PREP: variants seen among roughly 807,000 people sequenced by gnomAD.
PREP encodes the protein prolyl endopeptidase.
A neutral mutation model predicts 87.6 loss-of-function variants in PREP; 29 were observed. That is an observed-to-expected ratio of 0.33 (90% CI 0.25 to 0.45). The LOEUF (loss-of-function observed/expected upper bound fraction) is 0.45, where lower values mean the gene tolerates loss of function less well. Ranked by LOEUF, PREP falls within the 20% of genes least tolerant of loss-of-function variation. The pLI, the probability that PREP is intolerant of heterozygous loss-of-function variation, is 1.00. For missense variants in PREP, 695 were observed against 886.5 expected (o/e 0.78, Z 2.74); for synonymous variants, 337 against 328.6 (o/e 1.03, Z -0.28).
At chr6:105,375,868 C>A (rs1252133557) in intron 4 of PREP, among the ~76,000 whole-genome samples, 1 of 152,188 alleles carries the variant, frequency 6.6e-6, no homozygotes, top group Non-Finnish European at 1.5e-5. Context: ...TCCAGAAGCC[C>A]TAGAAGCTAA....
At chr6:105,387,316 T>C (rs574067941) in intron 2 of PREP, among the ~76,000 whole-genome samples, 1 of 152,316 alleles carries the variant, frequency 6.6e-6, no homozygotes, top group African/African-American at 2.4e-5. Flanking sequence ...ATACCGTATC[T>C]GATGCCAGCA....
At chr6:105,346,314 A>AATAAG (rs1771796349) in intron 7 of PREP, among the ~76,000 whole-genome samples, 1 of 152,236 alleles carries the variant, frequency 6.6e-6, no homozygotes. Flanking sequence ...GCTACCTAAA[A>AATAAG]ATAAGAGCTG....
chr6:105,302,376 A>C (rs1460555513), intron 10 of PREP: 1 of 200,288 alleles, frequency 5.0e-6, no homozygotes, highest in Non-Finnish European at 1.0e-5. Flanking sequence ...TTGTTGAATG[A>C]ATACAGAATT....
At chr6:105,380,013 A>G (rs1772794708) in intron 2 of PREP, among the ~76,000 whole-genome samples, 1 of 152,254 alleles carries the variant, frequency 6.6e-6, no homozygotes, top group Non-Finnish European at 1.5e-5. Flanking sequence ...TGAGTGCTGA[A>G]AACCTTTATG....
intron 7 of PREP, among the ~76,000 whole-genome samples, chr6:105,347,714 T>G (rs960739536): frequency 2.0e-5 from 3 of 152,064 alleles, no homozygotes; most frequent in African/African-American, 7.2e-5. Flanking sequence ...AGGCAACTTT[T>G]TATATATTAA....
intron 10 of PREP, chr6:105,322,530 T>C: frequency 1.0e-6 from 1 of 985,988 alleles, no homozygotes. Context: ...GTTGTACTTT[T>C]AAATGCTATT....
At chr6:105,305,686 C>A (rs1369703374) in intron 10 of PREP, among the ~76,000 whole-genome samples, 3 of 152,118 alleles carry the variant, frequency 2.0e-5, no homozygotes, top group Non-Finnish European at 4.4e-5. Flanking sequence ...ATAACAGTAG[C>A]AGAAATCTTA....
At chr6:105,279,417 G>T (rs1397855491) in intron 14 of PREP, among the ~76,000 whole-genome samples, 2 of 152,122 alleles carry the variant, frequency 1.3e-5, no homozygotes, top group African/African-American at 4.8e-5. Context: ...CCAAATATGG[G>T]TTAGTTCTAA....
chr6:105,320,286 G>A (rs1306276855), intron 10 of PREP, among the ~76,000 whole-genome samples: 1 of 152,190 alleles, frequency 6.6e-6, no homozygotes, highest in Non-Finnish European at 1.5e-5. Flanking sequence ...TAAACTGACA[G>A]TGTTTCTAGG....
At chr6:105,290,444 C>T (rs1340793816) in intron 10 of PREP, among the ~76,000 whole-genome samples, 1 of 151,882 alleles carries the variant, frequency 6.6e-6, no homozygotes, top group African/African-American at 2.4e-5. Context: ...AAACCGAATT[C>T]CCTCCAACTA....
At chr6:105,311,665 T>C (rs970849744) in intron 10 of PREP, among the ~76,000 whole-genome samples, 9 of 152,196 alleles carry the variant, frequency 5.9e-5, no homozygotes, top group African/African-American at 2.2e-4. Context: ...CAACATCTCT[T>C]CACGTCGCTG....
intron 12 of PREP, among the ~76,000 whole-genome samples, chr6:105,283,042 C>T (rs529689240): frequency 2.2e-4 from 33 of 152,312 alleles, no homozygotes; most frequent in African/African-American, 7.7e-4. Flanking sequence ...CCCGCGAAGA[C>T]GGAGGTGGAA....
chr6:105,387,157 G>A (rs1310817813), intron 2 of PREP, among the ~76,000 whole-genome samples: 1 of 152,090 alleles, frequency 6.6e-6, no homozygotes, highest in Non-Finnish European at 1.5e-5. Flanking sequence ...GCCGGGTGGA[G>A]GTTGCAGTGG....
chr6:105,316,711 T>G (rs1770879468), intron 10 of PREP, among the ~76,000 whole-genome samples: 1 of 152,182 alleles, frequency 6.6e-6, no homozygotes, highest in South Asian at 2.1e-4. Context: ...AAGTGAACAT[T>G]AACATTCATT....
chr6:105,369,565 C>G (rs1315377712), intron 5 of PREP, among the ~76,000 whole-genome samples: 1 of 152,070 alleles, frequency 6.6e-6, no homozygotes, highest in Non-Finnish European at 1.5e-5. Flanking sequence ...TATTATAAAG[C>G]TACAGTGATC....
chr6:105,396,470 C>T (rs1773287534), intron 2 of PREP, among the ~76,000 whole-genome samples: 1 of 152,146 alleles, frequency 6.6e-6, no homozygotes, highest in African/African-American at 2.4e-5. Context: ...TCTCCATATA[C>T]CATCATGCTC....
At chr6:105,329,518 T>C (rs1771265360) in intron 8 of PREP, among the ~76,000 whole-genome samples, 1 of 152,238 alleles carries the variant, frequency 6.6e-6, no homozygotes. Flanking sequence ...ACTGTTTTAT[T>C]TCCCAAGGAA....
rs1257110295 is a variant in PREP, at chr6:105,277,126, A to G, written c.*1018T>C. 5.9e-5 allele frequency among the ~76,000 whole-genome samples: 9 copies of G among 151,558 alleles called. No homozygotes were observed. The highest frequency in any genetic ancestry group is 1.0e-4 in the Non-Finnish European group (7 of 67,930). On this transcript the variant is annotated 3_prime_UTR_variant, in exon 15 of 15. Transcript: ENST00000652536. ...TATGGATGAAAGTTTAAGGAATAGT[A>G]TATCTTAAAAATCTTGGGGGTGGGC...
chr6:105,297,394 T>A (rs564935479), intron 10 of PREP, among the ~76,000 whole-genome samples: 1 of 152,366 alleles, frequency 6.6e-6, no homozygotes, highest in East Asian at 1.9e-4. Flanking sequence ...TACATCTATA[T>A]AACAGCCATT....
Sources: allele counts gnomAD v4.1 joint callset (sites outside exome capture counted in the v4.1 genomes callset), GRCh38; gene constraint gnomAD v4.1.1; transcripts MANE v1.5; gene names NCBI Gene and HGNC (gene_info 2026-07-23, HGNC 2026-07-21).